TULP4: variants seen among roughly 807,000 people sequenced by gnomAD.
TULP4 encodes TUB like protein 4, also known as tubby-related protein 4.
Under a neutral mutation model 129.0 loss-of-function variants are expected in TULP4, and 16 were observed. That is an observed-to-expected ratio of 0.12 (90% CI 0.08 to 0.19). The LOEUF is 0.19. Ranked by LOEUF, TULP4 falls within the 10% of genes least tolerant of loss-of-function variation. The probability of loss-of-function intolerance (pLI) is 1.00; values close to 1 mark genes in which losing one functional copy is unlikely to be tolerated. For missense variants in TULP4, 1,842 were observed against 2,059.1 expected (o/e 0.89, Z 2.04); for synonymous variants, 998 against 854.0 (o/e 1.17, Z -2.94).
chr6:158,309,906 G>T (rs1343144469), upstream of TULP4, among the ~76,000 whole-genome samples: 3 of 113,218 alleles, frequency 2.6e-5, no homozygotes, highest in African/African-American at 1.0e-4. Context: ...AGACCGTGGG[G>T]AGAGGGAGAG....
intron 1 of TULP4, among the ~76,000 whole-genome samples, chr6:158,239,177 C>T (rs1201023730): frequency 9.3e-5 from 9 of 96,322 alleles, no homozygotes; most frequent in Admixed American, 9.9e-5. Context: ...GCTGGCCGGG[C>T]GGGGGGCTGA....
intron 1 of TULP4, among the ~76,000 whole-genome samples, chr6:158,348,176 T>TTG (rs1562529261): frequency 2.0e-5 from 3 of 146,812 alleles, no homozygotes; most frequent in Non-Finnish European, 4.5e-5. Flanking sequence ...TTTTAAGGTT[T>TTG]TTTTTTTTTT....
chr6:158,316,633 A>G (rs186696991), intron 1 of TULP4, among the ~76,000 whole-genome samples: 2 of 152,226 alleles, frequency 1.3e-5, no homozygotes, highest in East Asian at 3.9e-4. Context: ...TTCTTATGTA[A>G]CAAATCACCC....
At position 158,501,985 on chromosome 6, in the gene TULP4, C is replaced by T. The variant is rs1780456692; in HGVS notation, c.2322C>T (p.Ser774=). 2 of 1,613,584 alleles carry T rather than the reference C, an allele frequency of 1.2e-6. No homozygotes were observed. Among genetic ancestry groups the T allele is most frequent in the Admixed American group, 3.3e-5 (2 of 59,980 alleles). Residue 774 remains serine (S), a synonymous_variant, in exon 13 of 14, where the codon TCC becomes TCT. Transcript: ENST00000367097. ...TCATTCAGAACCCCCCTCCACTGTC[C>T]CTGCCTCCCCCGCCGCAGGGGCCCA... ...GRIIQNPPPL[S]LPPPPQGPMQ... is the part of the protein sequence containing the mutation.
intron 1 of TULP4, among the ~76,000 whole-genome samples, chr6:158,317,790 A>C (rs10945539): frequency 0.86 from 131,067 of 152,094 alleles, 56,890 homozygotes; most frequent in South Asian, 0.93. Flanking sequence ...TAAAAGCGTT[A>C]CTATTTCTCC....
chr6:158,278,663 A>G (rs1349222123), upstream of TULP4, among the ~76,000 whole-genome samples: 2 of 152,116 alleles, frequency 1.3e-5, no homozygotes, highest in Non-Finnish European at 2.9e-5. Context: ...TTTCTTCTTG[A>G]TCATTTTACC....
intron 4 of TULP4, among the ~76,000 whole-genome samples, chr6:158,451,086 C>CAGAAA (rs1779154062): frequency 6.6e-6 from 1 of 151,612 alleles, no homozygotes; most frequent in Admixed American, 6.6e-5. Context: ...AAGGAAAAAA[C>CAGAAA]AGAAAAGAAA....
intron 1 of TULP4, among the ~76,000 whole-genome samples, chr6:158,323,168 A>C (rs1261618600): frequency 5.3e-5 from 8 of 152,174 alleles, no homozygotes. Flanking sequence ...CCTGGAACAA[A>C]ATTGCCCTTG....
chr6:158,409,183 A>G (rs1400100731), intron 1 of TULP4, among the ~76,000 whole-genome samples: 1 of 152,198 alleles, frequency 6.6e-6, no homozygotes, highest in Non-Finnish European at 1.5e-5. Context: ...AGGGCCTTAG[A>G]TTATGGCCCA....
chr6:158,425,545 G>A (rs1366666561), intron 2 of TULP4, among the ~76,000 whole-genome samples: 5 of 147,368 alleles, frequency 3.4e-5, no homozygotes, highest in Non-Finnish European at 7.4e-5. Flanking sequence ...AATGGCAGCC[G>A]ACGCAAGTGT....
At chr6:158,418,609 T>C (rs1778268617) in intron 2 of TULP4, among the ~76,000 whole-genome samples, 1 of 152,000 alleles carries the variant, frequency 6.6e-6, no homozygotes, top group Non-Finnish European at 1.5e-5. Flanking sequence ...TCAACAAAAA[T>C]AGTTTTAAAA....
At chr6:158,465,069 T>C (rs1779525138) in intron 6 of TULP4, among the ~76,000 whole-genome samples, 1 of 152,224 alleles carries the variant, frequency 6.6e-6, no homozygotes, top group African/African-American at 2.4e-5. Context: ...TTCCTCTATT[T>C]TAATGTTAAT....
At chr6:158,332,200 A>T (rs9457347) in intron 1 of TULP4, among the ~76,000 whole-genome samples, 46 of 17,804 alleles carry the variant, frequency 2.6e-3, no homozygotes, top group South Asian at 0.013. Flanking sequence ...AAAAAAAAAA[A>T]ATATATATAT....
At chr6:158,424,388 T>A (rs1008338164) in intron 2 of TULP4, among the ~76,000 whole-genome samples, 2 of 152,138 alleles carry the variant, frequency 1.3e-5, no homozygotes, top group Non-Finnish European at 2.9e-5. Context: ...TAGCTGGGAC[T>A]ACAGATGCGC....
chr6:158,432,339 A>G (rs1284888441), intron 3 of TULP4, among the ~76,000 whole-genome samples: 11 of 152,064 alleles, frequency 7.2e-5, no homozygotes, highest in Non-Finnish European at 8.8e-5. Context: ...GATGTCTGTA[A>G]TGTCAGGAGT....
chr6:158,396,863 C>G (rs1777729768), intron 1 of TULP4, among the ~76,000 whole-genome samples: 3 of 152,138 alleles, frequency 2.0e-5, no homozygotes, highest in Admixed American at 1.3e-4. Context: ...ACTCGGAATC[C>G]CGAGAAATCG....
chr6:158,277,282 A>G (rs1412920480), upstream of TULP4, among the ~76,000 whole-genome samples: 1 of 152,188 alleles, frequency 6.6e-6, no homozygotes, highest in African/African-American at 2.4e-5. Flanking sequence ...TTGGTCTTGA[A>G]TGTCATCTTT....
At chr6:158,448,676 C>G (rs561603352) in intron 3 of TULP4, among the ~76,000 whole-genome samples, 1 of 152,190 alleles carries the variant, frequency 6.6e-6, no homozygotes, top group Non-Finnish European at 1.5e-5. Context: ...CCTAACTCCT[C>G]TCCTCCAATC....
In TULP4 at chr6:158,340,953, GT is replaced by G. The variant is rs373147466; in HGVS notation, c.252+26692del. 8.5e-5 allele frequency among the ~76,000 whole-genome samples: 13 copies of G among 152,180 alleles called. No homozygotes were observed. In the East Asian group the frequency reaches 2.3e-3, roughly 27 times the overall value. On this transcript the variant is annotated intron_variant, in intron 1 of 13. Coordinates refer to ENST00000367097, the MANE Select transcript of TULP4 (RefSeq NM_020245.5). ...AGGCTCTCTCTGTTTTTTTGTGTGTGTTTTTTTGTTTGTTTGTTTAAGCCTT... is the reference window on the plus strand; with the variant it reads ...AGGCTCTCTCTGTTTTTTTGTGTGTGTTTTTTGTTTGTTTGTTTAAGCCTT...
Sources: gnomAD v4.1 joint callset for allele counts (sites outside exome capture counted in the v4.1 genomes callset) on GRCh38, gnomAD v4.1.1 for gene constraint, MANE v1.5 for transcripts, NCBI Gene and HGNC (gene_info 2026-07-23, HGNC 2026-07-21) for gene names.